Variants in PIAS1 observed in about 807,000 individuals in gnomAD.
The protein encoded by PIAS1 is protein inhibitor of activated STAT 1, also known as E3 SUMO-protein ligase PIAS1.
PIAS1 carries 6 observed loss-of-function variants against 71.3 expected under a neutral mutation model. The observed-to-expected ratio is 0.08, with a 90% confidence interval of 0.05 to 0.17. The LOEUF (loss-of-function observed/expected upper bound fraction) is 0.17, where lower values mean the gene tolerates loss of function less well. Among genes scored for constraint, PIAS1 ranks in the 10% least tolerant of loss-of-function variants. The pLI is 1.00. For synonymous variants in PIAS1, 303 were observed against 292.9 expected, an observed-to-expected ratio of 1.03 and a Z score of -0.35; for missense variants, 555 against 793.6, an observed-to-expected ratio of 0.70 and a Z score of 3.61.
rs567098352 is a variant in PIAS1 at position 68,174,140 on chromosome 15, A to T, written c.1169+248A>T. ...GTGCCTCCTGGCATTTGTCGTTGAAAGCACTGGTGCTTTTAAGCAGGGTGT... is the reference window on the plus strand; with the variant it reads ...GTGCCTCCTGGCATTTGTCGTTGAATGCACTGGTGCTTTTAAGCAGGGTGT... On this transcript the variant is annotated intron_variant, in intron 9 of 13. Coordinates refer to ENST00000249636, the MANE Select transcript of PIAS1 (RefSeq NM_016166.3). The surrounding 1 kb of genome is among the most constrained non-coding windows in gnomAD (Gnocchi z 4.0). Among the ~76,000 whole-genome samples, 1 of 152,238 alleles carries T rather than the reference A, an allele frequency of 6.6e-6. No individual in the cohort carries two copies. The highest frequency in any genetic ancestry group is 1.5e-5 in the Non-Finnish European group (1 of 68,042).
At chr15:68,098,701 A>G (rs1295476580) in intron 2 of PIAS1, among the ~76,000 whole-genome samples, 2 of 152,118 alleles carry the variant, frequency 1.3e-5, no homozygotes, top group Non-Finnish European at 2.9e-5. Flanking sequence ...GCACCTACAA[A>G]CAAACATATT....
intron 2 of PIAS1, among the ~76,000 whole-genome samples, chr15:68,135,367 G>T (rs1449482046): frequency 2.3e-5 from 1 of 43,938 alleles, no homozygotes; most frequent in East Asian, 6.1e-4. Flanking sequence ...CGGGCGGGGG[G>T]CTGACCCCCA....
At chr15:68,175,540 C>A in intron 9 of PIAS1, 97 bp from the exon 10 acceptor site, 1 of 473,870 alleles carries the variant, frequency 2.1e-6, no homozygotes, top group Non-Finnish European at 3.4e-6. Flanking sequence ...AGCTATATTC[C>A]TAGTTAGTAC....
At chr15:68,103,901 C>T (rs545166923) in intron 2 of PIAS1, among the ~76,000 whole-genome samples, 9 of 152,184 alleles carry the variant, frequency 5.9e-5, no homozygotes, top group East Asian at 5.8e-4. Flanking sequence ...TATGAATATT[C>T]GTGTATAATT....
chr15:68,099,811 T>A (rs943225562), intron 2 of PIAS1, among the ~76,000 whole-genome samples: 2 of 152,066 alleles, frequency 1.3e-5, no homozygotes, highest in Non-Finnish European at 2.9e-5. Context: ...TTTTTTTATT[T>A]TTAGATGTTT....
At chr15:68,135,039 G>T (rs546434999) in intron 2 of PIAS1, among the ~76,000 whole-genome samples, 146 of 44,370 alleles carry the variant, frequency 3.3e-3, no homozygotes, top group African/African-American at 6.4e-3. Flanking sequence ...CCCAGTAGGG[G>T]CGGCCGGGCA....
chr15:68,117,090 C>T (rs1038548931), intron 2 of PIAS1, among the ~76,000 whole-genome samples: 3 of 151,860 alleles, frequency 2.0e-5, no homozygotes, highest in Non-Finnish European at 2.9e-5. Context: ...TTTTTTGTTG[C>T]TGTTTCGTTT....
At chr15:68,143,479 A>G (rs777113974) in intron 4 of PIAS1, among the ~76,000 whole-genome samples, 30 of 152,160 alleles carry the variant, frequency 2.0e-4, no homozygotes, top group Non-Finnish European at 2.8e-4. Flanking sequence ...CTTTTATACC[A>G]TAAAACAGTA....
rs1225657543 is a variant in PIAS1, at chr15:68,188,501, T to C, written c.*666T>C. 6.6e-6 allele frequency: 1 copy of C among 152,084 alleles called. No individual in the cohort carries two copies. The highest frequency in any genetic ancestry group is 2.4e-5 in the African/African-American group (1 of 41,256). The allele number at this position is 152,084 out of a possible 1,614,324, so 9.4% of individuals were successfully genotyped here. A position where few individuals can be genotyped will look rare whatever the true frequency, so the allele number is the denominator to read the frequency against. ...CTCCCGAGTGTGCATTCAGTTAATA[T>C]AATCAGTTGCTTGCTTCTTTCAAAG... On this transcript the variant is annotated 3_prime_UTR_variant, in exon 14 of 14. Transcript: ENST00000249636.
rs1208879289 is a variant in PIAS1 at position 68,119,708 on chromosome 15, C to CTTCT, written c.470-22237_470-22234dup. 2.0e-5 allele frequency among the ~76,000 whole-genome samples: 3 copies of CTTCT among 152,136 alleles called. No individual in the cohort carries two copies. The East Asian group carries it at 5.8e-4, about 29-fold the overall frequency. On this transcript the variant is annotated intron_variant, in intron 2 of 13. Coordinates refer to ENST00000249636, the MANE Select transcript of PIAS1 (RefSeq NM_016166.3). ...ATTGGTTGGTAATATTGTTCAAAGT[C>CTTCT]TTCTGTATTCTTCCAATTTCCTGTC...
intron 8 of PIAS1, among the ~76,000 whole-genome samples, chr15:68,172,514 A>G (rs2092997985): frequency 6.6e-6 from 1 of 152,226 alleles, no homozygotes; most frequent in South Asian, 2.1e-4. Flanking sequence ...ACAATGGTGA[A>G]CTAGTTTACA....
intron 6 of PIAS1, among the ~76,000 whole-genome samples, chr15:68,151,939 ATTTTT>A (rs1201017658): frequency 2.9e-5 from 2 of 68,192 alleles, no homozygotes; most frequent in East Asian, 5.3e-4. Context: ...AAATTTAGGA[ATTTTT>A]TTTTTTTTTT....
intron 2 of PIAS1, among the ~76,000 whole-genome samples, chr15:68,141,475 T>G (rs2092769886): frequency 6.6e-6 from 1 of 152,142 alleles, no homozygotes; most frequent in Admixed American, 6.6e-5. Context: ...ACTTGCATGG[T>G]AGAGTTAAAC....
intron 8 of PIAS1, among the ~76,000 whole-genome samples, chr15:68,168,165 C>T (rs555130157): frequency 9.9e-5 from 15 of 151,972 alleles, no homozygotes; most frequent in South Asian, 4.2e-4. Flanking sequence ...CCTGTCACCA[C>T]GCCCGGCTAA....
At position 68,115,018 on chromosome 15, in the gene PIAS1, C is replaced by T. The variant is rs941863588; in HGVS notation, c.470-26928C>T. ...GCTCTTAATATTCACAAGAGAGATC[C>T]CCCATGACCATTGTAAGTACCCTTA... On this transcript the variant is annotated intron_variant, in intron 2 of 13. Transcript: ENST00000249636. Among the ~76,000 whole-genome samples the T allele has an allele frequency of 3.3e-5, 5 of 151,968 alleles. No homozygotes were observed. The South Asian group carries it at 8.3e-4, about 25-fold the overall frequency.
intron 1 of PIAS1, among the ~76,000 whole-genome samples, chr15:68,055,534 TG>T (rs1455611876): frequency 6.6e-6 from 1 of 151,826 alleles, no homozygotes; most frequent in Non-Finnish European, 1.5e-5. Context: ...TTGTGACAAA[TG>T]GGGCTCCGCT....
chr15:68,067,937 T>A (rs1014749966), intron 1 of PIAS1, among the ~76,000 whole-genome samples: 4 of 152,230 alleles, frequency 2.6e-5, no homozygotes, highest in Admixed American at 6.5e-5. Flanking sequence ...TAGTTTTGTA[T>A]ATTATTATTT....
At chr15:68,057,880 T>C (rs529821036) in intron 1 of PIAS1, among the ~76,000 whole-genome samples, 2 of 152,212 alleles carry the variant, frequency 1.3e-5, no homozygotes, top group Admixed American at 6.5e-5. Flanking sequence ...AATACCTCCT[T>C]CTTTTCATCC....
intron 1 of PIAS1, among the ~76,000 whole-genome samples, chr15:68,075,347 A>G (rs913562520): frequency 2.0e-5 from 3 of 151,976 alleles, no homozygotes; most frequent in Non-Finnish European, 2.9e-5. Context: ...CGGCCTCCCA[A>G]AGTGCTGGGA....
Sources: allele counts gnomAD v4.1 joint callset (sites outside exome capture counted in the v4.1 genomes callset), GRCh38; gene constraint gnomAD v4.1.1; non-coding constraint Gnocchi (gnomAD v3.1); transcripts MANE v1.5; gene names NCBI Gene and HGNC (gene_info 2026-07-23, HGNC 2026-07-21).